The following SHISA9 variants were observed in gnomAD, a reference collection of about 807,000 sequenced individuals.
The protein encoded by SHISA9 is protein shisa-9.
Under a neutral mutation model 38.0 loss-of-function variants are expected in SHISA9, and 13 were observed. The ratio of observed to expected loss-of-function variants is 0.34; its 90% CI spans 0.22 to 0.54. SHISA9 has a LOEUF of 0.54. Ranked by LOEUF, SHISA9 falls within the 20% of genes least tolerant of loss-of-function variation. SHISA9 has a pLI of 0.91. For synonymous variants in SHISA9, 275 were observed against 242.0 expected (o/e 1.14, Z -1.27); for missense variants, 538 against 575.8 (o/e 0.93, Z 0.67).
At chr16:13,302,887 G>A in the SHISA9 span, among the ~76,000 whole-genome samples, 2 of 152,108 alleles carry the variant, frequency 1.3e-5, no homozygotes, top group Non-Finnish European at 2.9e-5. Flanking sequence ...GAGATCTGAT[G>A]GCTTTATAAT....
At chr16:13,139,880 T>G (rs1397423949) in intron 2 of SHISA9, among the ~76,000 whole-genome samples, 3 of 152,150 alleles carry the variant, frequency 2.0e-5, no homozygotes, top group African/African-American at 7.2e-5. Context: ...AGTCACTCAT[T>G]AAGCTACTGG....
the SHISA9 span, among the ~76,000 whole-genome samples, chr16:13,297,452 A>G: frequency 1.3e-5 from 2 of 152,202 alleles, no homozygotes; most frequent in Non-Finnish European, 2.9e-5. Flanking sequence ...TGGGAAAAGT[A>G]TGAAAGAGAT....
intron 2 of SHISA9, among the ~76,000 whole-genome samples, chr16:13,159,521 T>C (rs1288080818): frequency 6.6e-6 from 1 of 152,204 alleles, no homozygotes; most frequent in African/African-American, 2.4e-5. Context: ...GTCTCGCTCT[T>C]TTGCCTAAAA....
At chr16:13,018,380 C>G (rs1442875591) in intron 2 of SHISA9, among the ~76,000 whole-genome samples, 1 of 152,208 alleles carries the variant, frequency 6.6e-6, no homozygotes, top group Non-Finnish European at 1.5e-5. Context: ...TGAAGACCAG[C>G]TTTTTGGTAT....
the SHISA9 span, among the ~76,000 whole-genome samples, chr16:13,330,598 T>C: frequency 6.6e-6 from 1 of 152,338 alleles, no homozygotes; most frequent in South Asian, 2.1e-4. Context: ...GCTCTTTTAT[T>C]TTGCTTTCCT....
At chr16:13,262,022 A>G in the SHISA9 span, among the ~76,000 whole-genome samples, 1 of 152,198 alleles carries the variant, frequency 6.6e-6, no homozygotes, top group Admixed American at 6.5e-5. Flanking sequence ...CAAAAGTAAT[A>G]GATAGATAAC....
At chr16:13,297,865 T>A in the SHISA9 span, among the ~76,000 whole-genome samples, 1 of 152,224 alleles carries the variant, frequency 6.6e-6, no homozygotes, top group Non-Finnish European at 1.5e-5. Flanking sequence ...CAAGCAATTC[T>A]CCTGCTTCAG....
intron 4 of SHISA9, among the ~76,000 whole-genome samples, chr16:13,231,533 G>C (rs1014536707): frequency 6.6e-6 from 1 of 152,212 alleles, no homozygotes; most frequent in African/African-American, 2.4e-5. Context: ...CAGATTCCAA[G>C]ATTCCTTTTG....
chr16:13,181,912 AAG>A (rs1567237938), intron 2 of SHISA9, among the ~76,000 whole-genome samples: 1 of 152,192 alleles, frequency 6.6e-6, no homozygotes. Context: ...GCAAAGAATG[AAG>A]AGTGACATTA....
At chr16:13,295,078 C>T in the SHISA9 span, among the ~76,000 whole-genome samples, 1 of 152,134 alleles carries the variant, frequency 6.6e-6, no homozygotes, top group Admixed American at 6.5e-5. Context: ...AATCACAGAG[C>T]TGAGATTCTA....
chr16:13,443,616 C>G, the SHISA9 span, among the ~76,000 whole-genome samples: 2 of 152,290 alleles, frequency 1.3e-5, no homozygotes, highest in Non-Finnish European at 2.9e-5. Flanking sequence ...GTAATCAATT[C>G]TGCATGTTCC....
the SHISA9 span, among the ~76,000 whole-genome samples, chr16:13,494,200 G>T: frequency 2.6e-5 from 4 of 152,206 alleles, no homozygotes; most frequent in Non-Finnish European, 5.9e-5. Context: ...AATTCCCTTT[G>T]TATCATCAGT....
At chr16:13,161,259 A>G (rs1480311527) in intron 2 of SHISA9, among the ~76,000 whole-genome samples, 1 of 152,102 alleles carries the variant, frequency 6.6e-6, no homozygotes, top group Non-Finnish European at 1.5e-5. Flanking sequence ...GCCCTTTGCT[A>G]CATTGATGGG....
the SHISA9 span, among the ~76,000 whole-genome samples, chr16:13,500,072 T>C: frequency 6.6e-6 from 1 of 152,024 alleles, no homozygotes; most frequent in Non-Finnish European, 1.5e-5. Flanking sequence ...CATCTTGAAT[T>C]GTAATCCTCA....
chr16:13,088,442 A>T (rs985925909), intron 2 of SHISA9, among the ~76,000 whole-genome samples: 1 of 152,174 alleles, frequency 6.6e-6, no homozygotes, highest in African/African-American at 2.4e-5. Flanking sequence ...CTTCCTATCC[A>T]TGAGCTTGGA....
At chr16:13,090,083 T>G (rs1247959171) in intron 2 of SHISA9, among the ~76,000 whole-genome samples, 1 of 152,226 alleles carries the variant, frequency 6.6e-6, no homozygotes, top group African/African-American at 2.4e-5. Flanking sequence ...CAGGAGCAAG[T>G]TGTTCAGTTT....
At chr16:13,409,922 C>A in the SHISA9 span, among the ~76,000 whole-genome samples, 1 of 152,220 alleles carries the variant, frequency 6.6e-6, no homozygotes, top group Non-Finnish European at 1.5e-5. Context: ...AATACATCTT[C>A]TCTGATCATA....
chr16:13,386,678 C>T, the SHISA9 span, among the ~76,000 whole-genome samples: 35 of 152,240 alleles, frequency 2.3e-4, no homozygotes, highest in African/African-American at 8.2e-4. Context: ...TTGTTTTATA[C>T]AAACGATGTT....
chr16:13,357,388 T>G, the SHISA9 span, among the ~76,000 whole-genome samples: 3 of 151,672 alleles, frequency 2.0e-5, no homozygotes, highest in Admixed American at 2.0e-4. Flanking sequence ...TGAGGGATAG[T>G]GAGGGAGGTT....
Sources: allele counts gnomAD v4.1 joint callset (sites outside exome capture counted in the v4.1 genomes callset), GRCh38; gene constraint gnomAD v4.1.1; transcripts MANE v1.5; gene names NCBI Gene and HGNC (gene_info 2026-07-23, HGNC 2026-07-21).